Variants in ITGAL observed in about 807,000 individuals in gnomAD.
ITGAL encodes the protein integrin alpha-L.
In ITGAL, 68 loss-of-function variants were observed where a neutral mutation model predicts 138.4. That is an observed-to-expected ratio of 0.49 (90% CI 0.40 to 0.60). ITGAL has a LOEUF of 0.60. Among genes scored for constraint, ITGAL ranks in the 20% least tolerant of loss-of-function variants. ITGAL has a pLI of 0.00. For missense variants in ITGAL, 1,256 were observed against 1,478.6 expected, an observed-to-expected ratio of 0.85 and a Z score of 2.47; for synonymous variants, 561 against 584.3, an observed-to-expected ratio of 0.96 and a Z score of 0.57.
At position 30,478,581 on chromosome 16, in the gene ITGAL, C is replaced by G. The variant is rs1210128004; in HGVS notation, c.328-510C>G. 2.0e-5 allele frequency among the ~76,000 whole-genome samples: 3 copies of G among 150,746 alleles called. No individual in the cohort carries two copies. The East Asian group carries it at 5.8e-4, about 29-fold the overall frequency. ...GGTGTAGTGGCGGGTGCCTGTAGTCCCAGCTACTCAGAAGGCTGAGGCAGG... is the reference window on the plus strand; with the variant it reads ...GGTGTAGTGGCGGGTGCCTGTAGTCGCAGCTACTCAGAAGGCTGAGGCAGG... On this transcript the variant is annotated intron_variant, in intron 4 of 30. Coordinates refer to ENST00000356798, the MANE Select transcript of ITGAL (RefSeq NM_002209.3).
rs1214536113 is a variant in ITGAL, at chr16:30,513,806, C to T, written c.2822C>T (p.Pro941Leu). The T allele has an allele frequency of 6.2e-7, 1 of 1,613,844 alleles. No individual in the cohort carries two copies. Among genetic ancestry groups the T allele is most frequent in the South Asian group, 1.1e-5 (1 of 91,076 alleles). The change falls in exon 25 of 31, where the codon CCC becomes CTC. Residue 941 changes from proline to leucine, a missense_variant. By Grantham distance (98) the Pro-to-Leu change is moderately conservative. Transcript: ENST00000356798. ...EDSTLYVSFTPKGPKIHQVKH... is the reference protein window; with the variant it reads ...EDSTLYVSFTLKGPKIHQVKH... Reference sequence around the variant, plus strand: ...TCCACACTCTATGTCAGTTTCACCCCCAAAGGCCCCAAGATCCACCAAGTC... The same window carrying T: ...TCCACACTCTATGTCAGTTTCACCCTCAAAGGCCCCAAGATCCACCAAGTC...
rs1567464676 is a variant in ITGAL, at chr16:30,481,185, A to ACACACAC, written c.577-253_577-247dup. 23 of 373,536 alleles carry ACACACAC rather than the reference A, an allele frequency of 6.2e-5. No homozygotes were observed. The African/African-American group carries it at 6.2e-4, about 10-fold the overall frequency. 23.1% of individuals were successfully genotyped at this position (373,536 alleles called of 1,614,324 possible). A position where few individuals can be genotyped will look rare whatever the true frequency, so the allele number is the denominator to read the frequency against. ...ACACACACACACACACACACACACC[A>ACACACAC]CACACACACAAATATTCGGGTGTGG... On this transcript the variant is annotated intron_variant, in intron 6 of 30. Coordinates refer to ENST00000356798, the MANE Select transcript of ITGAL (RefSeq NM_002209.3).
At chr16:30,501,154 T>A (rs2050892046) in intron 17 of ITGAL, among the ~76,000 whole-genome samples, 1 of 151,846 alleles carries the variant, frequency 6.6e-6, no homozygotes, top group Admixed American at 6.6e-5. Context: ...CAGCTTCTAC[T>A]TTTTAATATA....
intron 15 of ITGAL, 88 bp from the exon 16 acceptor site, chr16:30,498,986 C>T (rs1417935450): frequency 2.3e-6 from 3 of 1,277,716 alleles, no homozygotes; most frequent in Non-Finnish European, 3.3e-6. Context: ...AAGGAGAGTT[C>T]TCTGGCTTTG....
At chr16:30,484,804 A>G (rs1355816420) in intron 9 of ITGAL, among the ~76,000 whole-genome samples, 6 of 151,400 alleles carry the variant, frequency 4.0e-5, no homozygotes, top group African/African-American at 1.5e-4. Flanking sequence ...CTGTAATCCC[A>G]GCTACTCAGG....
intron 4 of ITGAL, among the ~76,000 whole-genome samples, chr16:30,476,854 G>A (rs768621288): frequency 3.3e-5 from 5 of 152,082 alleles, no homozygotes; most frequent in African/African-American, 1.2e-4. Context: ...GGCTGGTCTC[G>A]TACTCCTGAC....
Position 30,498,263 on chromosome 16 carries a change from CAAA to C in ITGAL, c.1833-796_1833-794del, listed in dbSNP as rs762799726. Among the ~76,000 whole-genome samples the C allele has an allele frequency of 1.8e-3, 214 of 118,072 alleles. 2 individuals carry two copies. Among genetic ancestry groups the C allele is most frequent in the African/African-American group, 6.0e-3 (193 of 31,964 alleles). 77.5% of individuals were successfully genotyped at this position (118,072 alleles called of 152,430 possible). ...TTGCTTGAGCCCAAGAGGAGGATCT[CAAA>C]AAAAAAAAAAAAAATAGGAGCCAGG... On this transcript the variant is annotated intron_variant, in intron 15 of 30. Transcript: ENST00000356798.
rs2051006546 is a variant in ITGAL at position 30,506,818 on chromosome 16, C to T, written c.2470C>T (p.Pro824Ser). 2 of 1,613,956 alleles carry T rather than the reference C, an allele frequency of 1.2e-6. No homozygotes were observed. The highest frequency in any genetic ancestry group is 2.2e-5 in the South Asian group (2 of 91,084). ...CTGGGTCCAGCTGGACCTGCACTTC[C>T]CCCCGGGACTCTCCTTCCGCAAGGT... ...AYWVQLDLHF[P>S]PGLSFRKVEM... The change falls in exon 21 of 31, where the codon CCC becomes TCC. Residue 824 changes from proline (P) to serine (S), a missense_variant. Around this residue, in one of 3 missense-constraint regions of ITGAL, gnomAD observed 867 missense variants for 972.5 expected, o/e 0.89. Transcript: ENST00000356798.
chr16:30,487,729 A>G (rs1192627174), intron 9 of ITGAL, among the ~76,000 whole-genome samples: 1 of 135,214 alleles, frequency 7.4e-6, no homozygotes, highest in Non-Finnish European at 1.6e-5. Flanking sequence ...TTTTCAAGAC[A>G]GAGTTTCACT....
Position 30,522,667 on chromosome 16 carries a change from AAG to A in ITGAL, c.*1005_*1006del, listed in dbSNP as rs1441013742. On this transcript the variant is annotated 3_prime_UTR_variant, in exon 31 of 31. Coordinates refer to ENST00000356798, the MANE Select transcript of ITGAL (RefSeq NM_002209.3). The surrounding 1 kb of genome is among the most constrained non-coding windows in gnomAD (Gnocchi z 4.0). ...CAGAGCCAGTGGGAAGATACAGAAA[AAG>A]AGGGGCTGGGCTGGGCGCGGTGGTT... 5 of 152,234 alleles carry A rather than the reference AAG, an allele frequency of 3.3e-5. No homozygotes were observed. The highest frequency in any genetic ancestry group is 1.2e-4 in the African/African-American group (5 of 41,428). 9.4% of individuals were successfully genotyped at this position (152,234 alleles called of 1,614,324 possible). A position where few individuals can be genotyped will look rare whatever the true frequency, so the allele number is the denominator to read the frequency against.
At chr16:30,491,424 A>T (rs1158652098) in intron 11 of ITGAL, among the ~76,000 whole-genome samples, 6 of 152,054 alleles carry the variant, frequency 3.9e-5, no homozygotes, top group Non-Finnish European at 7.4e-5. Context: ...AAAGAAAAAA[A>T]GTTTAATCTC....
Position 30,516,965 on chromosome 16 carries a change from T to A in ITGAL, c.2863-8T>A. ...TCAGGGCTCTGCATCCCTTGTCCTC[T>A]GTGCCAGGTGAGGATCCAGCCTTCC... On this transcript the variant is annotated splice_region_variant and splice_polypyrimidine_tract_variant and intron_variant, in intron 25 of 30. Coordinates refer to ENST00000356798, the MANE Select transcript of ITGAL (RefSeq NM_002209.3). 6.2e-7 allele frequency: 1 copy of A among 1,601,446 alleles called. No homozygotes were observed. Among genetic ancestry groups the A allele is most frequent in the Non-Finnish European group, 8.6e-7 (1 of 1,168,608 alleles).
chr16:30,513,017 A>T (rs1271123538), intron 24 of ITGAL, among the ~76,000 whole-genome samples: 1 of 152,236 alleles, frequency 6.6e-6, no homozygotes, highest in Admixed American at 6.5e-5. Context: ...GCTTTTGAAC[A>T]TCAATGCCAC....
At chr16:30,497,359 T>G (rs2050817352) in intron 15 of ITGAL, among the ~76,000 whole-genome samples, 1 of 151,354 alleles carries the variant, frequency 6.6e-6, no homozygotes, top group African/African-American at 2.4e-5. Context: ...AAAAAAAGAT[T>G]AACAGGGTGT....
In ITGAL at chr16:30,496,546, G is replaced by A. The variant is rs1261788876; in HGVS notation, c.1812G>A (p.Glu604=). 2 of 1,613,662 alleles carry A rather than the reference G, an allele frequency of 1.2e-6. No individual in the cohort carries two copies. Among genetic ancestry groups the A allele is most frequent in the African/African-American group, 1.3e-5 (1 of 74,936 alleles). The part of the protein sequence containing the change: ...DGLADVAVGA[E]SQMIVLSSRP... The stretch of plus-strand genomic sequence containing the variant: ...TGGCAGATGTGGCTGTGGGGGCTGA[G>A]AGCCAGATGATCGTGCTGAGGTGAG... The change falls in exon 15 of 31, where the codon GAG becomes GAA. Residue 604 remains glutamate (E), a synonymous_variant. Transcript: ENST00000356798.
chr16:30,505,800 T>G (rs946536664), intron 20 of ITGAL, among the ~76,000 whole-genome samples: 1 of 152,104 alleles, frequency 6.6e-6, no homozygotes, highest in African/African-American at 2.4e-5. Flanking sequence ...AGAGGATGGC[T>G]TGAGCCAGGA....
rs60456127 is a variant in ITGAL at position 30,481,143 on chromosome 16, AACACACACACACAC to A, written c.577-269_577-256del. 52 of 216,066 alleles carry A rather than the reference AACACACACACACAC, an allele frequency of 2.4e-4. 1 individual carries two copies. The highest frequency in any genetic ancestry group is 7.2e-4 in the African/African-American group (26 of 36,000). 13.4% of individuals were successfully genotyped at this position (216,066 alleles called of 1,614,324 possible). On this transcript the variant is annotated intron_variant, in intron 6 of 30. Transcript: ENST00000356798. ...ATGGTGAAACACCGTCTCTACTAAAAACACACACACACACACACACACACACACACACACACACA... is the reference window on the plus strand; with the variant it reads ...ATGGTGAAACACCGTCTCTACTAAAAACACACACACACACACACACACACA...
In ITGAL at chr16:30,510,926, G is replaced by A; in HGVS notation, c.2665G>A (p.Gly889Arg). The A allele has an allele frequency of 1.2e-6, 2 of 1,614,046 alleles. No homozygotes were observed. Among genetic ancestry groups the A allele is most frequent in the East Asian group, 2.2e-5 (1 of 44,868 alleles). ...MFNTLVNSSW[G>R]DSVELHANVT... ...TAATACACTGGTAAACAGCTCCTGG[G>A]GGGACTCGGTTGAATTGCACGCCAA... is the stretch of plus-strand genomic sequence containing the variant. Residue 889 changes from glycine to arginine, a missense_variant, in exon 23 of 31, where the codon GGG (glycine) becomes AGG (arginine). By Grantham distance (125) the Gly-to-Arg change is moderately radical. Coordinates refer to ENST00000356798, the MANE Select transcript of ITGAL (RefSeq NM_002209.3).
intron 6 of ITGAL, 133 bp downstream of exon 6, chr16:30,479,594 G>T: frequency 1.3e-6 from 1 of 760,622 alleles, no homozygotes; most frequent in Non-Finnish European, 2.1e-6. Flanking sequence ...GCCTCTGGAA[G>T]GGACAAGAAC....
Sources: gnomAD v4.1 joint callset for allele counts (sites outside exome capture counted in the v4.1 genomes callset) on GRCh38, gnomAD v4.1.1 for gene constraint, gnomAD v4.1.1 regional missense constraint, Gnocchi (gnomAD v3.1) non-coding constraint, MANE v1.5 for transcripts, NCBI Gene and HGNC (gene_info 2026-07-23, HGNC 2026-07-21) for gene names.